The following RHBDF1 variants were observed in gnomAD, a reference collection of about 807,000 sequenced individuals.
RHBDF1 encodes the protein inactive rhomboid protein 1.
Under a neutral mutation model 98.6 loss-of-function variants are expected in RHBDF1, and 80 were observed. The ratio of observed to expected loss-of-function variants is 0.81; its 90% CI spans 0.68 to 0.98. The LOEUF (loss-of-function observed/expected upper bound fraction) is 0.98. Ranked by LOEUF, RHBDF1 falls within the 50% of genes least tolerant of loss-of-function variation. RHBDF1 has a pLI of 0.00. For synonymous variants in RHBDF1, 512 were observed against 486.8 expected (o/e 1.05, Z -0.68); for missense variants, 1,116 against 1,198.3 (o/e 0.93, Z 1.01).
At chr16:62,378 T>C (rs216603) in intron 7 of RHBDF1, among the ~76,000 whole-genome samples, 160 bp downstream of exon 7, 134,215 of 152,222 alleles carry the variant, frequency 0.88, 59,423 homozygotes, top group African/African-American at 0.96. Flanking sequence ...CATGCCCAGC[T>C]CTGCGTCTCC....
chr16:64,236 GC>G, intron 3 of RHBDF1: 1 of 1,331,138 alleles, frequency 7.5e-7, no homozygotes, highest in Non-Finnish European at 9.9e-7. Context: ...GCCGTTAGGA[GC>G]CCCAGGGAAT....
intron 11 of RHBDF1, 40 bp downstream of exon 11, chr16:61,080 C>T (rs771202963): frequency 2.0e-6 from 3 of 1,508,008 alleles, no homozygotes; most frequent in East Asian, 2.5e-5. Context: ...GAGCGAACAC[C>T]GGGCAGACGA....
chr16:59,871 C>A, intron 13 of RHBDF1, 45 bp from the exon 14 acceptor site: 1 of 1,613,300 alleles, frequency 6.2e-7, no homozygotes, highest in South Asian at 1.1e-5. Context: ...CTCCCCCAAC[C>A]TTTGGCCCCA....
chr16:61,866 G>A lies in RHBDF1; in HGVS notation c.1140C>T (p.Thr380=). 1.9e-6 allele frequency: 3 copies of A among 1,610,494 alleles called. No homozygotes were observed. The highest frequency in any genetic ancestry group is 8.5e-7 in the Non-Finnish European group (1 of 1,179,794). The change falls in exon 8 of 18, where the codon ACC becomes ACT. Residue 380 remains threonine, a synonymous_variant. Coordinates refer to ENST00000262316, the MANE Select transcript of RHBDF1 (RefSeq NM_022450.5). ...CGATGCGCTTGCGGTAGGTGCGGTT[G>A]GTGAGCCGTCCCACCATGCCCAGCC... ...PYGLGMVGRL[T]NRTYRKRIDS... is the part of the protein sequence containing the mutation.
At chr16:73,190 CCTA>C (rs1453635790), upstream of RHBDF1, among the ~76,000 whole-genome samples, 9 of 152,314 alleles carry the variant, frequency 5.9e-5, no homozygotes, top group African/African-American at 1.7e-4. Flanking sequence ...CATGCACCCA[CCTA>C]CTCATGTACA....
intron 1 of RHBDF1, among the ~76,000 whole-genome samples, chr16:66,440 C>T (rs1287241549): frequency 6.6e-6 from 1 of 152,194 alleles, no homozygotes; most frequent in Admixed American, 6.5e-5. Context: ...CTGCTCACAG[C>T]TCCTAATGGT....
intron 16 of RHBDF1, 33 bp from the exon 17 acceptor site, chr16:59,160 A>G: frequency 6.2e-7 from 1 of 1,606,308 alleles, no homozygotes; most frequent in Non-Finnish European, 8.5e-7. Context: ...GTCGGGAGAC[A>G]TTCAGCAGGG....
upstream of RHBDF1, chr16:75,099 C>G (rs1898059593): frequency 6.6e-6 from 1 of 152,600 alleles, no homozygotes; most frequent in South Asian, 2.1e-4. Flanking sequence ...GCCTGCCCTA[C>G]TACTCTCTGT....
At chr16:70,011 A>AGGGGG (rs11306273) in intron 1 of RHBDF1, among the ~76,000 whole-genome samples, 1 of 79,100 alleles carries the variant, frequency 1.3e-5, no homozygotes, top group African/African-American at 2.9e-5. Context: ...ACTTGGCAGG[A>AGGGGG]GGGGGGGGGG....
chr16:62,130 C>A (rs1897656465), intron 7 of RHBDF1, 78 bp from the exon 8 acceptor site: 1 of 1,426,004 alleles, frequency 7.0e-7, no homozygotes, highest in Non-Finnish European at 9.2e-7. Context: ...ACCAGGGCAC[C>A]CTGTCTCTAT....
intron 1 of RHBDF1, among the ~76,000 whole-genome samples, chr16:68,229 G>A (rs1372298192): frequency 6.6e-6 from 1 of 152,208 alleles, no homozygotes; most frequent in East Asian, 1.9e-4. Context: ...GACAGTTATA[G>A]GTCCTGCGGG....
intron 1 of RHBDF1, among the ~76,000 whole-genome samples, chr16:65,908 A>G (rs562438710): frequency 6.6e-6 from 1 of 152,356 alleles, no homozygotes; most frequent in East Asian, 1.9e-4. Flanking sequence ...GCTGCGGGGC[A>G]TTGCAAGCTT....
Position 61,463 on chromosome 16 carries a change from G to C in RHBDF1, c.1321-4C>G. 1.9e-6 allele frequency: 3 copies of C among 1,612,484 alleles called. No homozygotes were observed. The highest frequency in any genetic ancestry group is 2.5e-6 in the Non-Finnish European group (3 of 1,179,800). On this transcript the variant is annotated splice_polypyrimidine_tract_variant and splice_region_variant and intron_variant, in intron 9 of 17. Coordinates refer to ENST00000262316, the MANE Select transcript of RHBDF1 (RefSeq NM_022450.5). ...AGACCCCGCGGTTCCGCAGCACCTG[G>C]GAGGTTGGGGAGCGGGATCAGACGG...
chr16:65,473 A>G (rs1897804854), intron 1 of RHBDF1, among the ~76,000 whole-genome samples: 1 of 152,234 alleles, frequency 6.6e-6, no homozygotes, highest in Non-Finnish European at 1.5e-5. Flanking sequence ...GGAGGCAGTG[A>G]GGCCTCCCCA....
intron 1 of RHBDF1, among the ~76,000 whole-genome samples, chr16:69,406 G>A (rs181919183): frequency 8.7e-4 from 132 of 152,236 alleles, no homozygotes; most frequent in African/African-American, 3.1e-3. Flanking sequence ...ACTGCCTGCT[G>A]CCGAGGTCAG....
At chr16:73,571 G>C (rs191426507), upstream of RHBDF1, among the ~76,000 whole-genome samples, 14 of 152,332 alleles carry the variant, frequency 9.2e-5, no homozygotes, top group East Asian at 2.7e-3. Context: ...GACCCTCCCA[G>C]GGTGGGGGAC....
At chr16:62,926 C>T (rs368509074) in intron 5 of RHBDF1, 29 bp from the exon 6 acceptor site, 15 of 1,612,936 alleles carry the variant, frequency 9.3e-6, no homozygotes, top group East Asian at 2.2e-5. Flanking sequence ...GCATGAGACC[C>T]GGCTGCTGGG....
At chr16:75,130 T>C (rs1898060356), upstream of RHBDF1, among the ~76,000 whole-genome samples, 1 of 152,120 alleles carries the variant, frequency 6.6e-6, no homozygotes, top group Non-Finnish European at 1.5e-5. Flanking sequence ...GAGCCCCCTA[T>C]ACGGAAACCC....
chr16:62,805 G>A lies in RHBDF1; in HGVS notation c.765C>T (p.Pro255=), dbSNP rs147405134. 28 of 1,613,934 alleles carry A rather than the reference G, an allele frequency of 1.7e-5. No homozygotes were observed. Among genetic ancestry groups the A allele is most frequent in the East Asian group, 6.7e-5 (3 of 44,900 alleles). The part of the protein sequence containing the change: ...SFLEEDTTDF[P]DELDTSFFAR... Reference sequence around the variant, plus strand: ...CAAAGAAGGATGTGTCCAGCTCATCGGGGAAATCAGTTGTGTCCTCCTCCA... The same window carrying A: ...CAAAGAAGGATGTGTCCAGCTCATCAGGGAAATCAGTTGTGTCCTCCTCCA... The change falls in exon 6 of 18, where the codon CCC becomes CCT. Residue 255 remains proline, a synonymous_variant. Transcript: ENST00000262316.
Sources: gnomAD v4.1 joint callset for allele counts (sites outside exome capture counted in the v4.1 genomes callset) on GRCh38, gnomAD v4.1.1 for gene constraint, MANE v1.5 for transcripts, NCBI Gene and HGNC (gene_info 2026-07-23, HGNC 2026-07-21) for gene names.